CPNE4: variants seen among roughly 807,000 people sequenced by gnomAD.
The protein encoded by CPNE4 is copine-4.
Under a neutral mutation model 67.9 loss-of-function variants are expected in CPNE4, and 25 were observed. The ratio of observed to expected loss-of-function variants is 0.37; its 90% CI spans 0.27 to 0.51. The LOEUF (loss-of-function observed/expected upper bound fraction) is 0.51. Among genes scored for constraint, CPNE4 ranks in the 20% least tolerant of loss-of-function variants. The pLI is 0.93. For synonymous variants in CPNE4, 242 were observed against 244.9 expected (o/e 0.99, Z 0.11); for missense variants, 464 against 690.8 (o/e 0.67, Z 3.68).
At chr3:131,623,590 C>T (rs1320101135) in intron 7 of CPNE4, among the ~76,000 whole-genome samples, 2 of 152,166 alleles carry the variant, frequency 1.3e-5, no homozygotes, top group African/African-American at 4.8e-5. Flanking sequence ...TTGATTTATG[C>T]CTTAACAAAA....
intron 3 of CPNE4, among the ~76,000 whole-genome samples, chr3:131,709,930 C>T (rs150745995): frequency 3.9e-5 from 6 of 152,246 alleles, no homozygotes; most frequent in Admixed American, 1.3e-4. Context: ...AGTCCTTTCC[C>T]GCCACCCTCT....
intron 11 of CPNE4, among the ~76,000 whole-genome samples, chr3:131,561,427 A>G (rs1242333315): frequency 1.3e-5 from 2 of 151,966 alleles, no homozygotes; most frequent in East Asian, 3.9e-4. Context: ...GGTCAAAGGC[A>G]GAGGAAATGA....
intron 7 of CPNE4, among the ~76,000 whole-genome samples, chr3:131,642,239 A>G (rs2079559737): frequency 6.6e-6 from 1 of 152,230 alleles, no homozygotes; most frequent in South Asian, 2.1e-4. Flanking sequence ...GGTAATATAC[A>G]TGTGCAAAAC....
intron 1 of CPNE4, among the ~76,000 whole-genome samples, chr3:131,929,821 A>C (rs191988628): frequency 3.9e-5 from 6 of 152,306 alleles, no homozygotes; most frequent in Admixed American, 1.3e-4. Context: ...GCAAAGCCTT[A>C]CTGCTATTGA....
chr3:131,886,783 C>T (rs1372606610), intron 2 of CPNE4, among the ~76,000 whole-genome samples: 1 of 152,184 alleles, frequency 6.6e-6, no homozygotes, highest in Non-Finnish European at 1.5e-5. Context: ...CTTACATGAG[C>T]CCTGTAGCCC....
At chr3:131,576,245 T>G (rs6807282) in intron 9 of CPNE4, among the ~76,000 whole-genome samples, 3,226 of 152,256 alleles carry the variant, frequency 0.021, 118 homozygotes, top group African/African-American at 0.072. Context: ...GATGTTCACT[T>G]GGCCTCTAAA....
chr3:131,564,495 T>A (rs764513389), intron 10 of CPNE4, 146 bp from the exon 11 acceptor site: 20 of 773,118 alleles, frequency 2.6e-5, no homozygotes, highest in Non-Finnish European at 3.4e-5. Flanking sequence ...ATAAACTAAT[T>A]TGCTTGAAAA....
intron 3 of CPNE4, among the ~76,000 whole-genome samples, chr3:131,722,665 T>C (rs988181348): frequency 6.6e-6 from 1 of 152,240 alleles, no homozygotes; most frequent in Admixed American, 6.5e-5. Flanking sequence ...ACTGCTCTAT[T>C]TGAAGTGCAT....
At chr3:131,951,249 TTG>T (rs2071711896) in intron 1 of CPNE4, among the ~76,000 whole-genome samples, 1 of 152,312 alleles carries the variant, frequency 6.6e-6, no homozygotes, top group Non-Finnish European at 1.5e-5. Flanking sequence ...ATTATAAAGA[TTG>T]TGTTATTATA....
intron 2 of CPNE4, among the ~76,000 whole-genome samples, chr3:131,870,393 G>A (rs189981672): frequency 2.0e-5 from 3 of 152,144 alleles, no homozygotes; most frequent in African/African-American, 4.8e-5. Context: ...ACAGATTTAC[G>A]ATATGAGGGC....
At chr3:131,792,597 G>GTA (rs1203312153) in intron 2 of CPNE4, among the ~76,000 whole-genome samples, 2 of 105,164 alleles carry the variant, frequency 1.9e-5, no homozygotes, top group East Asian at 6.5e-4. Flanking sequence ...ATATATATAT[G>GTA]TATATGTGTG....
intron 2 of CPNE4, among the ~76,000 whole-genome samples, chr3:131,796,285 A>G (rs2083916259): frequency 6.6e-6 from 1 of 152,128 alleles, no homozygotes; most frequent in Non-Finnish European, 1.5e-5. Flanking sequence ...CAGCCTCGTT[A>G]ACGACGTAGC....
chr3:131,647,798 C>CA (rs1346215443), intron 7 of CPNE4, among the ~76,000 whole-genome samples: 2 of 152,144 alleles, frequency 1.3e-5, no homozygotes, highest in Non-Finnish European at 2.9e-5. Flanking sequence ...TACCCTTTCC[C>CA]ACCTGGTCTC....
chr3:131,912,108 G>C (rs1233070146), intron 1 of CPNE4, among the ~76,000 whole-genome samples: 1 of 129,514 alleles, frequency 7.7e-6, no homozygotes, highest in African/African-American at 3.0e-5. Context: ...ATACCTTGGG[G>C]AGACTAATGT....
At chr3:131,944,045 T>C (rs2071476726) in intron 1 of CPNE4, among the ~76,000 whole-genome samples, 1 of 152,170 alleles carries the variant, frequency 6.6e-6, no homozygotes, top group Non-Finnish European at 1.5e-5. Context: ...CTTCTGAGTG[T>C]CCCTCTTTGA....
chr3:131,535,207 T>G lies in CPNE4; in HGVS notation c.1662A>C (p.Thr554=). The G allele has an allele frequency of 6.2e-7, 1 of 1,612,148 alleles. No homozygotes were observed. Among genetic ancestry groups the G allele is most frequent in the Non-Finnish European group, 8.5e-7 (1 of 1,179,422 alleles). The change falls in exon 16 of 16, where the codon ACA becomes ACC. Residue 554 remains threonine, a synonymous_variant. Transcript: ENST00000429747. ...CSSEMYESSR[T]LAP ...CTGTGTGGGGAGTTCATGGTGCTAG[T>G]GTTCTGGAAGATTCATACATTTCTG...
At chr3:131,625,454 A>C (rs1402876074) in intron 7 of CPNE4, among the ~76,000 whole-genome samples, 1 of 152,224 alleles carries the variant, frequency 6.6e-6, no homozygotes, top group African/African-American at 2.4e-5. Context: ...CCTAATTCTG[A>C]GACATTATAG....
chr3:131,760,491 A>G (rs2082859105), intron 2 of CPNE4, among the ~76,000 whole-genome samples: 1 of 152,194 alleles, frequency 6.6e-6, no homozygotes, highest in South Asian at 2.1e-4. Flanking sequence ...GTTACTAATC[A>G]AACTCAGGTT....
intron 2 of CPNE4, among the ~76,000 whole-genome samples, chr3:131,773,610 A>G (rs2083223571): frequency 6.6e-6 from 1 of 152,240 alleles, no homozygotes; most frequent in Admixed American, 6.5e-5. Flanking sequence ...GGTCTCCCAG[A>G]GTGCTGGGAT....
Sources: gnomAD v4.1 joint callset for allele counts (sites outside exome capture counted in the v4.1 genomes callset) on GRCh38, gnomAD v4.1.1 for gene constraint, MANE v1.5 for transcripts, NCBI Gene and HGNC (gene_info 2026-07-23, HGNC 2026-07-21) for gene names.